Variants in ZBTB20 observed in about 807,000 individuals in gnomAD.
ZBTB20 encodes zinc finger and BTB domain-containing protein 20.
In ZBTB20, 9 loss-of-function variants were observed where a neutral mutation model predicts 56.9. That is an observed-to-expected ratio of 0.16 (90% CI 0.10 to 0.28). ZBTB20 has a LOEUF of 0.28. Ranked by LOEUF, ZBTB20 falls within the 10% of genes least tolerant of loss-of-function variation. The pLI is 1.00. For missense variants in ZBTB20, 655 were observed against 1,003.0 expected (o/e 0.65, Z 4.69); for synonymous variants, 417 against 420.7 (o/e 0.99, Z 0.11).
intron 6 of ZBTB20, among the ~76,000 whole-genome samples, chr3:114,510,156 A>T (rs576009316): frequency 3.9e-5 from 6 of 152,208 alleles, no homozygotes; most frequent in Non-Finnish European, 8.8e-5. Flanking sequence ...ATTGAGAAAG[A>T]CATGATTTTA....
intron 4 of ZBTB20, among the ~76,000 whole-genome samples, chr3:114,836,996 C>T (rs1385674294): frequency 1.3e-5 from 2 of 152,120 alleles, no homozygotes; most frequent in South Asian, 2.1e-4. Context: ...CTTTGTTCAC[C>T]GTGCTTCTTT....
chr3:114,560,812 A>G lies in ZBTB20; in HGVS notation c.-294-60421T>C, dbSNP rs143717374. On this transcript the variant is annotated intron_variant, in intron 6 of 11. Coordinates refer to ENST00000675478, the MANE Select transcript of ZBTB20 (RefSeq NM_001348800.3). Reference sequence around the variant, plus strand: ...GGTAATTTCTTAAAATAAGACAACAATGAAGTTTGCCACATGATTGACTCT... The same window carrying G: ...GGTAATTTCTTAAAATAAGACAACAGTGAAGTTTGCCACATGATTGACTCT... Among the ~76,000 whole-genome samples, 6 of 152,226 alleles carry G rather than the reference A, an allele frequency of 3.9e-5. No individual in the cohort carries two copies. The East Asian group carries it at 1.2e-3, about 29-fold the overall frequency.
At chr3:114,925,892 C>G (rs1380424485) in intron 3 of ZBTB20, among the ~76,000 whole-genome samples, 2 of 152,126 alleles carry the variant, frequency 1.3e-5, no homozygotes, top group African/African-American at 4.8e-5. Context: ...GAGTCCTTAA[C>G]TTGGACAATG....
intron 3 of ZBTB20, among the ~76,000 whole-genome samples, chr3:114,974,130 G>T (rs972386475): frequency 6.6e-6 from 1 of 150,792 alleles, no homozygotes; most frequent in South Asian, 2.1e-4. Flanking sequence ...ACAAGAGTTA[G>T]AGCAACACCT....
intron 10 of ZBTB20, among the ~76,000 whole-genome samples, chr3:114,358,758 C>G (rs1247570642): frequency 6.6e-6 from 1 of 152,074 alleles, no homozygotes; most frequent in Non-Finnish European, 1.5e-5. Context: ...ATAAATGGAA[C>G]CATAAGGATA....
chr3:114,841,634 A>G (rs6802717), intron 4 of ZBTB20, among the ~76,000 whole-genome samples: 125,601 of 152,126 alleles, frequency 0.83, 54,343 homozygotes, highest in East Asian at 0.98. Context: ...AGTACAGGAT[A>G]TGGAAAAGGT....
intron 10 of ZBTB20, among the ~76,000 whole-genome samples, chr3:114,369,457 T>A (rs965764889): frequency 3.3e-5 from 5 of 152,224 alleles, no homozygotes; most frequent in African/African-American, 7.2e-5. Context: ...TTGTTCCATG[T>A]GGTTGTTTAT....
chr3:114,849,333 G>A (rs2074880154), intron 4 of ZBTB20, among the ~76,000 whole-genome samples: 1 of 152,108 alleles, frequency 6.6e-6, no homozygotes, highest in Admixed American at 6.5e-5. Flanking sequence ...TACTTTATGT[G>A]ACTCTATTCT....
At chr3:114,432,882 G>C (rs999503760) in intron 7 of ZBTB20, among the ~76,000 whole-genome samples, 16 of 152,040 alleles carry the variant, frequency 1.1e-4, no homozygotes, top group Non-Finnish European at 2.1e-4. Flanking sequence ...ACCTCATTTG[G>C]ACTGAGGTCA....
chr3:114,363,932 T>G (rs1379943686), intron 10 of ZBTB20, among the ~76,000 whole-genome samples: 1 of 152,192 alleles, frequency 6.6e-6, no homozygotes, highest in Non-Finnish European at 1.5e-5. Context: ...GGTTCTTCCC[T>G]TGCAAAAAGA....
rs72958225 is a variant in ZBTB20 at position 114,856,170 on chromosome 3, T to C, written c.-417+44134A>G. Among the ~76,000 whole-genome samples, 983 of 152,220 alleles carry C rather than the reference T, an allele frequency of 6.5e-3. 12 individuals are homozygous for C. The highest frequency in any genetic ancestry group is 0.021 in the African/African-American group (865 of 41,534). ...TGACGTCTAAGAGCCCTTCTAGAGA[T>C]AAAAAATTCCCCAATCTATGATAAT... On this transcript the variant is annotated intron_variant, in intron 4 of 11. Transcript: ENST00000675478.
At chr3:115,010,254 A>G (rs2079644304) in intron 2 of ZBTB20, among the ~76,000 whole-genome samples, 1 of 151,946 alleles carries the variant, frequency 6.6e-6, no homozygotes, top group South Asian at 2.1e-4. Context: ...CTGATTGTAG[A>G]ATCTCAGGCA....
intron 4 of ZBTB20, among the ~76,000 whole-genome samples, chr3:114,838,621 G>C (rs573821731): frequency 2.0e-5 from 3 of 152,270 alleles, no homozygotes; most frequent in African/African-American, 7.2e-5. Context: ...ATGGGGTTAT[G>C]AAATTTAGGC....
intron 10 of ZBTB20, among the ~76,000 whole-genome samples, chr3:114,370,164 A>G (rs1271423963): frequency 6.6e-6 from 1 of 152,154 alleles, no homozygotes; most frequent in Non-Finnish European, 1.5e-5. Flanking sequence ...CACTTTGCCT[A>G]TTTAATTGCA....
intron 2 of ZBTB20, among the ~76,000 whole-genome samples, chr3:115,001,031 A>T (rs924039511): frequency 1.5e-4 from 22 of 150,744 alleles, no homozygotes; most frequent in Non-Finnish European, 3.0e-4. Flanking sequence ...GACCATTACG[A>T]GGAAAAAAAT....
At chr3:115,008,632 A>G (rs982744988) in intron 2 of ZBTB20, among the ~76,000 whole-genome samples, 1 of 151,960 alleles carries the variant, frequency 6.6e-6, no homozygotes, top group African/African-American at 2.4e-5. Flanking sequence ...ATATAAAAGT[A>G]ACTTAATGAA....
intron 6 of ZBTB20, among the ~76,000 whole-genome samples, chr3:114,505,301 A>G (rs948793627): frequency 1.3e-5 from 2 of 152,206 alleles, no homozygotes; most frequent in African/African-American, 4.8e-5. Context: ...AAGAGAAAAC[A>G]ATAATAGTGC....
chr3:114,532,066 G>C (rs1425536412), intron 6 of ZBTB20, among the ~76,000 whole-genome samples: 1 of 152,160 alleles, frequency 6.6e-6, no homozygotes, highest in East Asian at 1.9e-4. Flanking sequence ...GCGGCCGTTT[G>C]GGCAGACACT....
At chr3:114,543,752 A>C (rs933317380) in intron 6 of ZBTB20, among the ~76,000 whole-genome samples, 13 of 152,210 alleles carry the variant, frequency 8.5e-5, no homozygotes, top group Non-Finnish European at 1.9e-4. Context: ...CAAACAGTTA[A>C]GATTTTAATG....
Sources: allele counts gnomAD v4.1 joint callset (sites outside exome capture counted in the v4.1 genomes callset), GRCh38; gene constraint gnomAD v4.1.1; transcripts MANE v1.5; gene names NCBI Gene and HGNC (gene_info 2026-07-23, HGNC 2026-07-21).